The following PLAUR variants were observed in gnomAD, a reference collection of about 807,000 sequenced individuals.
The protein encoded by PLAUR is urokinase plasminogen activator surface receptor.
A neutral mutation model predicts 33.4 loss-of-function variants in PLAUR; 22 were observed. The observed-to-expected ratio is 0.66, with a 90% CI of 0.47 to 0.94. The LOEUF is 0.94. Ranked by LOEUF, PLAUR falls within the 40% of genes least tolerant of loss-of-function variation. PLAUR has a pLI of 0.00. For missense variants in PLAUR, 408 were observed against 434.7 expected (o/e 0.94, Z 0.55); for synonymous variants, 148 against 167.3 (o/e 0.88, Z 0.89).
intron 3 of PLAUR, chr19:43,660,747 G>A (rs1189657874): frequency 6.6e-6 from 1 of 151,688 alleles, no homozygotes; most frequent in Admixed American, 6.6e-5. Context: ...CAAGTAGTTG[G>A]GACTACAGAC....
chr19:43,654,520 A>C (rs772221317), intron 5 of PLAUR, among the ~76,000 whole-genome samples: 2 of 152,008 alleles, frequency 1.3e-5, no homozygotes, highest in Non-Finnish European at 2.9e-5. Flanking sequence ...TGGGAGGCCA[A>C]GCCCAGGAGT....
chr19:43,660,643 C>T (rs1568560220), intron 3 of PLAUR: 1 of 151,966 alleles, frequency 6.6e-6, no homozygotes, highest in Non-Finnish European at 1.5e-5. Flanking sequence ...TCCCCTGCTC[C>T]TGGGAGATCA....
intron 3 of PLAUR, chr19:43,660,563 A>C (rs1966935142): frequency 6.6e-6 from 1 of 150,926 alleles, no homozygotes; most frequent in Non-Finnish European, 1.5e-5. Flanking sequence ...GCTACTGATC[A>C]TCACAGGAGT....
At chr19:43,649,574 G>A (rs1198594083) in intron 6 of PLAUR, among the ~76,000 whole-genome samples, 2 of 137,718 alleles carry the variant, frequency 1.5e-5, no homozygotes, top group African/African-American at 5.3e-5. Flanking sequence ...GGAAGGAAGG[G>A]AGGGAGGGAG....
Position 43,670,162 on chromosome 19 carries a change from T to A in PLAUR, c.-42A>T, listed in dbSNP as rs1397814643. The A allele has an allele frequency of 6.3e-7, 1 of 1,596,604 alleles. No individual in the cohort carries two copies. Among genetic ancestry groups the A allele is most frequent in the Non-Finnish European group, 8.5e-7 (1 of 1,171,920 alleles). ...CTGTGCGCGGGGTCCCTGCACGTCT[T>A]CTCTCCTTCTGGCCTCAGGAAGGAG... On this transcript the variant is annotated 5_prime_UTR_variant, in exon 1 of 7. Transcript: ENST00000340093.
chr19:43,659,281 G>A (rs1974343278), intron 3 of PLAUR, among the ~76,000 whole-genome samples: 1 of 146,350 alleles, frequency 6.8e-6, no homozygotes, highest in Non-Finnish European at 1.5e-5. Flanking sequence ...AGCCTACTGA[G>A]TAGCTGAGAC....
At position 43,655,559 on chromosome 19, in the gene PLAUR, C is replaced by G; in HGVS notation, c.487G>C (p.Asp163His). The G allele has an allele frequency of 6.2e-7, 1 of 1,614,074 alleles. No homozygotes were observed. Among genetic ancestry groups the G allele is most frequent in the African/African-American group, 1.3e-5 (1 of 75,070 alleles). The change falls in exon 5 of 7, where the codon GAC (aspartate) becomes CAC (histidine). Residue 163 changes from aspartate (D) to histidine (H), a missense_variant. Asp to His is a moderately conservative substitution (Grantham distance 81, BLOSUM62 -1). Transcript: ENST00000340093. ...TAGCCACAGCCACGGAGGTGGCGGT[C>G]ATCCTTTGGACGCCCTATGGGGGCC... ...QEGEEGRPKD[D>H]RHLRGCGYLP...
intron 5 of PLAUR, among the ~76,000 whole-genome samples, chr19:43,653,201 G>C (rs1190598731): frequency 6.6e-6 from 1 of 152,144 alleles, no homozygotes; most frequent in Non-Finnish European, 1.5e-5. Flanking sequence ...ATATTAAATC[G>C]AATCTTAAAA....
At chr19:43,663,072 T>C (rs1967072585) in intron 3 of PLAUR, among the ~76,000 whole-genome samples, 1 of 152,104 alleles carries the variant, frequency 6.6e-6, no homozygotes, top group Non-Finnish European at 1.5e-5. Flanking sequence ...AAACCTTCCC[T>C]GACCTGAGTC....
In PLAUR at chr19:43,651,863, C is replaced by T. The variant is rs75195802; in HGVS notation, c.754+362G>A. 3.9e-3 allele frequency: 4,078 copies of T among 1,035,972 alleles called. 126 individuals are homozygous for T. The African/African-American group carries it at 0.063, about 16-fold the overall frequency. The allele number at this position is 1,035,972 out of a possible 1,614,324, so 64.2% of individuals were successfully genotyped here. A position where few individuals can be genotyped will look rare whatever the true frequency, so the allele number is the denominator to read the frequency against. ...GTCTTCAGCAAATCCCCACAACCCACGAGAAATCCACCAAAGAATTCCATT... is the reference window on the plus strand; with the variant it reads ...GTCTTCAGCAAATCCCCACAACCCATGAGAAATCCACCAAAGAATTCCATT... On this transcript the variant is annotated intron_variant, in intron 6 of 6. Coordinates refer to ENST00000340093, the MANE Select transcript of PLAUR (RefSeq NM_002659.4).
intron 6 of PLAUR, chr19:43,651,929 G>T (rs778726827): frequency 3.8e-5 from 43 of 1,126,588 alleles, no homozygotes; most frequent in Non-Finnish European, 2.2e-5. Flanking sequence ...TGTTGCCCAG[G>T]CTGGTCTCAA....
chr19:43,648,839 G>C lies in PLAUR; in HGVS notation c.*51C>G. The C allele has an allele frequency of 6.4e-7, 1 of 1,571,534 alleles. No homozygotes were observed. The highest frequency in any genetic ancestry group is 8.7e-7 in the Non-Finnish European group (1 of 1,150,788). On this transcript the variant is annotated 3_prime_UTR_variant, in exon 7 of 7. Coordinates refer to ENST00000340093, the MANE Select transcript of PLAUR (RefSeq NM_002659.4). ...TCTGTAGGGCTGGGAGCCGAGGGAA[G>C]GGCAAAGGGGTCCCCCGGATCCAGC...
At chr19:43,650,763 G>A (rs894724842) in intron 6 of PLAUR, among the ~76,000 whole-genome samples, 1 of 151,884 alleles carries the variant, frequency 6.6e-6, no homozygotes, top group Non-Finnish European at 1.5e-5. Context: ...GGCTGGGCAC[G>A]GTGGCTCACA....
chr19:43,650,018 G>A (rs74572834), intron 6 of PLAUR, among the ~76,000 whole-genome samples: 2 of 138,884 alleles, frequency 1.4e-5, no homozygotes, highest in African/African-American at 5.6e-5. Flanking sequence ...CTTTTTTTTT[G>A]TTTTTTTTTT....
At chr19:43,668,438 C>G (rs1246537194) in intron 1 of PLAUR, 1 of 310,822 alleles carries the variant, frequency 3.2e-6, no homozygotes, top group Non-Finnish European at 4.6e-6. Context: ...CCGCCCCTAG[C>G]TCCTCCTCGA....
Position 43,648,967 on chromosome 19 carries a change from C to A in PLAUR, c.931G>T (p.Gly311Cys). The change falls in exon 7 of 7, where the codon GGC becomes TGC. Residue 311 changes from glycine (G) to cysteine (C), a missense_variant. Coordinates refer to ENST00000340093, the MANE Select transcript of PLAUR (RefSeq NM_002659.4). ...QYRSGAAPQP[G>C]PAHLSLTITL... ...ATGGTGAGGCTGAGATGGGCAGGGC[C>A]AGGCTGAGGAGCAGCCCCACTGCGG... The A allele has an allele frequency of 1.2e-6, 2 of 1,614,070 alleles. No individual in the cohort carries two copies. The highest frequency in any genetic ancestry group is 1.7e-6 in the Non-Finnish European group (2 of 1,179,994).
intron 3 of PLAUR, among the ~76,000 whole-genome samples, chr19:43,659,607 C>T (rs1272438191): frequency 6.6e-6 from 1 of 152,196 alleles, no homozygotes; most frequent in African/African-American, 2.4e-5. Context: ...ACTGTCTCTT[C>T]GAGGCCCCAT....
chr19:43,648,902 G>A lies in PLAUR; in HGVS notation c.996C>T (p.Leu332=), dbSNP rs4251922. The change falls in exon 7 of 7, where the codon CTC becomes CTT. Residue 332 remains leucine (L), a synonymous_variant. Transcript: ENST00000340093. The stretch of plus-strand genomic sequence containing the variant: ...GGGGATTTCAGGTTTAGGTCCAGAG[G>A]AGAGTGCCTCCCCACAGTCTGGCAG... ...LMTARLWGGT[L]LWT The A allele has an allele frequency of 6.8e-6, 11 of 1,613,500 alleles. No individual in the cohort carries two copies. The highest frequency in any genetic ancestry group is 8.5e-6 in the Non-Finnish European group (10 of 1,179,714).
chr19:43,654,519 A>G (rs1296723833), intron 5 of PLAUR, among the ~76,000 whole-genome samples: 1 of 151,808 alleles, frequency 6.6e-6, no homozygotes, highest in African/African-American at 2.4e-5. Flanking sequence ...TTGGGAGGCC[A>G]AGCCCAGGAG....
Sources: allele counts gnomAD v4.1 joint callset (sites outside exome capture counted in the v4.1 genomes callset), GRCh38; gene constraint gnomAD v4.1.1; transcripts MANE v1.5; gene names NCBI Gene and HGNC (gene_info 2026-07-23, HGNC 2026-07-21).